The following GALNTL6 variants were observed in gnomAD, a reference collection of about 807,000 sequenced individuals.
GALNTL6 encodes polypeptide N-acetylgalactosaminyltransferase-like 6.
GALNTL6 carries 46 observed loss-of-function variants against 73.7 expected under a neutral mutation model. The ratio of observed to expected loss-of-function variants is 0.62; its 90% confidence interval spans 0.49 to 0.80. The LOEUF (loss-of-function observed/expected upper bound fraction) is 0.80. Among genes scored for constraint, GALNTL6 ranks in the 30% least tolerant of loss-of-function variants. GALNTL6 has a pLI of 0.00. For missense variants in GALNTL6, 604 were observed against 755.0 expected (o/e 0.80, Z 2.34); for synonymous variants, 259 against 263.7 (o/e 0.98, Z 0.17).
chr4:172,477,320 T>C lies in GALNTL6; in HGVS notation c.553+128631T>C, dbSNP rs338017. On this transcript the variant is annotated intron_variant, in intron 5 of 12. Coordinates refer to ENST00000506823, the MANE Select transcript of GALNTL6 (RefSeq NM_001034845.3). ...GACAGACCTGCCTATCTATAGAAGA[T>C]AAAAAAGCAAATAAAATTTAGGATA... 4.3e-3 allele frequency among the ~76,000 whole-genome samples: 661 copies of C among 152,066 alleles called. 6 individuals carry two copies. The highest frequency in any genetic ancestry group is 0.015 in the African/African-American group (637 of 41,498).
intron 4 of GALNTL6, among the ~76,000 whole-genome samples, chr4:172,335,094 C>T (rs1188641763): frequency 1.3e-5 from 2 of 151,870 alleles, no homozygotes; most frequent in Admixed American, 6.6e-5. Context: ...CATACAGGCA[C>T]CCGCCACCAC....
intron 5 of GALNTL6, among the ~76,000 whole-genome samples, chr4:172,609,619 CTCTCTCTG>C (rs1365942385): frequency 1.7e-4 from 9 of 52,224 alleles, no homozygotes; most frequent in Non-Finnish European, 2.6e-4. Context: ...CTCTCTCTCT[CTCTCTCTG>C]TGTGTGTGTG....
rs546466978 is a variant in GALNTL6, at chr4:172,379,809, C to T, written c.553+31120C>T. 3.3e-5 allele frequency among the ~76,000 whole-genome samples: 5 copies of T among 152,090 alleles called. No individual in the cohort carries two copies. In the East Asian group the frequency reaches 9.7e-4, roughly 29 times the overall value. On this transcript the variant is annotated intron_variant, in intron 5 of 12. Coordinates refer to ENST00000506823, the MANE Select transcript of GALNTL6 (RefSeq NM_001034845.3). ...GGGGCCACTGCTTTTAAACGTTTCC[C>T]AACAGTCCAGACGATACTTCTAGCC...
chr4:172,439,241 T>A (rs1266732453), intron 5 of GALNTL6, among the ~76,000 whole-genome samples: 1 of 150,322 alleles, frequency 6.7e-6, no homozygotes, highest in Non-Finnish European at 1.5e-5. Context: ...TTTCTCAACT[T>A]ACCCCAATCA....
At chr4:172,077,892 C>G (rs1030294800) in intron 2 of GALNTL6, among the ~76,000 whole-genome samples, 1 of 152,144 alleles carries the variant, frequency 6.6e-6, no homozygotes, top group African/African-American at 2.4e-5. Flanking sequence ...GGGCCAGGCC[C>G]AGGGCTCAGG....
chr4:171,912,928 G>A (rs564623016), intron 2 of GALNTL6, among the ~76,000 whole-genome samples: 49 of 152,138 alleles, frequency 3.2e-4, no homozygotes, highest in African/African-American at 1.2e-4. Flanking sequence ...AATGTACCAC[G>A]TTTCCTTTAC....
chr4:172,422,072 A>G (rs1244926239), intron 5 of GALNTL6, among the ~76,000 whole-genome samples: 1 of 152,046 alleles, frequency 6.6e-6, no homozygotes, highest in Non-Finnish European at 1.5e-5. Context: ...ATACTTTGCA[A>G]TTCCTTAGCA....
intron 4 of GALNTL6, among the ~76,000 whole-genome samples, chr4:172,342,815 A>G (rs1259754730): frequency 1.3e-5 from 2 of 152,178 alleles, no homozygotes; most frequent in African/African-American, 4.8e-5. Flanking sequence ...ACAATATGAG[A>G]CTGCACATTC....
At chr4:172,370,189 G>A (rs774320837) in intron 5 of GALNTL6, among the ~76,000 whole-genome samples, 8 of 152,140 alleles carry the variant, frequency 5.3e-5, no homozygotes, top group African/African-American at 4.8e-5. Context: ...TCAATCCTGA[G>A]GTCCTCAATA....
At chr4:172,567,925 T>C (rs530673959) in intron 5 of GALNTL6, among the ~76,000 whole-genome samples, 1 of 152,182 alleles carries the variant, frequency 6.6e-6, no homozygotes, top group Non-Finnish European at 1.5e-5. Flanking sequence ...TTGAAATTGT[T>C]AGTTGGGAGT....
At chr4:172,765,435 T>C (rs190621058) in intron 5 of GALNTL6, among the ~76,000 whole-genome samples, 3 of 152,290 alleles carry the variant, frequency 2.0e-5, no homozygotes, top group Admixed American at 2.0e-4. Flanking sequence ...TTGGTAAATA[T>C]CTCATGGAAT....
chr4:172,241,461 T>C (rs554754321), intron 3 of GALNTL6, among the ~76,000 whole-genome samples: 199 of 152,364 alleles, frequency 1.3e-3, no homozygotes, highest in African/African-American at 4.4e-3. Flanking sequence ...TTTTGGCACA[T>C]CTGTGCCCTT....
chr4:172,417,196 AC>A (rs1730870217), intron 5 of GALNTL6, among the ~76,000 whole-genome samples: 3 of 150,804 alleles, frequency 2.0e-5, no homozygotes, highest in African/African-American at 7.4e-5. Context: ...GTGTGTGTGA[AC>A]CAATATCCTT....
At chr4:172,748,286 G>T (rs370760050) in intron 5 of GALNTL6, among the ~76,000 whole-genome samples, 1 of 151,930 alleles carries the variant, frequency 6.6e-6, no homozygotes, top group Non-Finnish European at 1.5e-5. Context: ...CCATTCCATC[G>T]CAGTACGCAC....
At chr4:172,004,763 C>T (rs933220279) in intron 2 of GALNTL6, among the ~76,000 whole-genome samples, 2 of 5,590 alleles carry the variant, frequency 3.6e-4, no homozygotes, top group Non-Finnish European at 2.6e-3. Flanking sequence ...AAATCAGATG[C>T]CCAATTACTG....
At chr4:172,025,756 C>G (rs56013157) in intron 2 of GALNTL6, among the ~76,000 whole-genome samples, 1 of 151,630 alleles carries the variant, frequency 6.6e-6, no homozygotes, top group East Asian at 1.9e-4. Context: ...TGCAGAATCA[C>G]GACAGTACTA....
In GALNTL6 at chr4:172,975,085, AT is replaced by A. The variant is rs1368643801; in HGVS notation, c.1371+22830del. Among the ~76,000 whole-genome samples the A allele has an allele frequency of 5.3e-5, 8 of 152,254 alleles. No individual in the cohort carries two copies. The South Asian group carries it at 1.7e-3, about 32-fold the overall frequency. ...CAGGGGATGGGTGTGTGTTTCAACC[AT>A]TTGTGTTACAGCTCTTTTAGTCCCA... On this transcript the variant is annotated intron_variant, in intron 10 of 12. Coordinates refer to ENST00000506823, the MANE Select transcript of GALNTL6 (RefSeq NM_001034845.3).
In GALNTL6 at chr4:172,348,690, G is replaced by A; in HGVS notation, c.553+1G>A. The A allele has an allele frequency of 6.3e-7, 1 of 1,594,132 alleles. No individual in the cohort carries two copies. ...CTAGTAGATGACTTCAGTGAGAGAG[G>A]TAAGATACAGTTGATAACATTTTAT... is the stretch of plus-strand genomic sequence containing the variant. On this transcript the variant is annotated splice_donor_variant, in intron 5 of 12. Coordinates refer to ENST00000506823, the MANE Select transcript of GALNTL6 (RefSeq NM_001034845.3). LOFTEE classifies it high-confidence loss of function.
intron 7 of GALNTL6, among the ~76,000 whole-genome samples, chr4:172,868,727 C>G (rs1744781925): frequency 6.6e-6 from 1 of 152,228 alleles, no homozygotes; most frequent in African/African-American, 2.4e-5. Context: ...GACCCAATTC[C>G]TGTATGAGAG....
Sources: allele counts gnomAD v4.1 joint callset (sites outside exome capture counted in the v4.1 genomes callset), GRCh38; gene constraint gnomAD v4.1.1; transcripts MANE v1.5; gene names NCBI Gene and HGNC (gene_info 2026-07-23, HGNC 2026-07-21).